Variants in DNER observed in about 807,000 individuals in gnomAD.
DNER encodes delta and Notch-like epidermal growth factor-related receptor.
Under a neutral mutation model 78.2 loss-of-function variants are expected in DNER, and 33 were observed. The observed-to-expected ratio is 0.42, with a 90% CI of 0.32 to 0.56. The LOEUF is 0.56. Ranked by LOEUF, DNER falls within the 20% of genes least tolerant of loss-of-function variation. DNER has a pLI of 0.11. For missense variants in DNER, 918 were observed against 975.3 expected (o/e 0.94, Z 0.78); for synonymous variants, 417 against 384.8 (o/e 1.08, Z -0.98).
intron 7 of DNER, among the ~76,000 whole-genome samples, chr2:229,457,456 C>T (rs2106366463): frequency 6.6e-6 from 1 of 152,006 alleles, no homozygotes. Flanking sequence ...TCTAAGTAGA[C>T]TCTCATAAAT....
intron 1 of DNER, among the ~76,000 whole-genome samples, chr2:229,607,350 A>T (rs1227381618): frequency 6.6e-6 from 1 of 152,170 alleles, no homozygotes; most frequent in Non-Finnish European, 1.5e-5. Context: ...TAATCCATTT[A>T]ATCTTCACTA....
intron 1 of DNER, among the ~76,000 whole-genome samples, chr2:229,686,596 C>T (rs1398392423): frequency 6.6e-6 from 1 of 152,112 alleles, no homozygotes; most frequent in Non-Finnish European, 1.5e-5. Context: ...CCATCTCTGA[C>T]CTATCTAGCA....
intron 5 of DNER, among the ~76,000 whole-genome samples, chr2:229,526,308 C>T (rs1385873496): frequency 6.6e-6 from 1 of 152,226 alleles, no homozygotes; most frequent in African/African-American, 2.4e-5. Flanking sequence ...GCGTGTTCCT[C>T]TCAAAAGTGC....
At chr2:229,663,995 A>G (rs1283183368) in intron 1 of DNER, among the ~76,000 whole-genome samples, 1 of 152,158 alleles carries the variant, frequency 6.6e-6, no homozygotes, top group Non-Finnish European at 1.5e-5. Context: ...GATGAATCTG[A>G]CATTCCAAAA....
chr2:229,473,901 T>C (rs1303083477), intron 7 of DNER, among the ~76,000 whole-genome samples: 2 of 152,094 alleles, frequency 1.3e-5, no homozygotes. Context: ...ACACAGGCTC[T>C]TTTTATTTTT....
intron 6 of DNER, among the ~76,000 whole-genome samples, chr2:229,495,737 C>T (rs1006251222): frequency 3.9e-5 from 6 of 152,214 alleles, no homozygotes; most frequent in East Asian, 1.9e-4. Context: ...TCTCGGCACC[C>T]GCTGGCCCAG....
At chr2:229,398,383 G>C (rs1693195881) in intron 10 of DNER, among the ~76,000 whole-genome samples, 1 of 151,992 alleles carries the variant, frequency 6.6e-6, no homozygotes, top group Non-Finnish European at 1.5e-5. Context: ...GAAATCTCAG[G>C]TCCAAATGCT....
chr2:229,506,011 C>T (rs1031812086), intron 6 of DNER, among the ~76,000 whole-genome samples: 2 of 152,202 alleles, frequency 1.3e-5, no homozygotes, highest in Non-Finnish European at 2.9e-5. Flanking sequence ...ATGACTGTTT[C>T]GTGAATCAAG....
At position 229,702,388 on chromosome 2, in the gene DNER, T is replaced by C. The variant is rs551798700; in HGVS notation, c.276+11760A>G. On this transcript the variant is annotated intron_variant, in intron 1 of 12. Transcript: ENST00000341772. ...TGCCTCTACAAAAATATTTAAAAATTAGCCAAGCGTGGTGGTGCATGCCTA... is the reference window on the plus strand; with the variant it reads ...TGCCTCTACAAAAATATTTAAAAATCAGCCAAGCGTGGTGGTGCATGCCTA... 8.6e-5 allele frequency among the ~76,000 whole-genome samples: 13 copies of C among 152,024 alleles called. No homozygotes were observed. In the East Asian group the frequency reaches 2.5e-3, roughly 30 times the overall value.
chr2:229,654,077 A>G (rs1698869002), intron 1 of DNER, among the ~76,000 whole-genome samples: 2 of 151,898 alleles, frequency 1.3e-5, no homozygotes, highest in Non-Finnish European at 2.9e-5. Flanking sequence ...TTAACTTATC[A>G]TTTACATTAG....
At chr2:229,432,580 A>C (rs1478726207) in intron 8 of DNER, among the ~76,000 whole-genome samples, 1 of 152,196 alleles carries the variant, frequency 6.6e-6, no homozygotes, top group African/African-American at 2.4e-5. Context: ...TTGACCTCTT[A>C]GTTACTAATA....
chr2:229,414,439 G>A (rs138627848), intron 9 of DNER, among the ~76,000 whole-genome samples: 2,219 of 152,046 alleles, frequency 0.015, 36 homozygotes, highest in South Asian at 0.08. Context: ...GCTAATTTTC[G>A]TATTTTTAGT....
chr2:229,649,890 T>C (rs896437221), intron 1 of DNER, among the ~76,000 whole-genome samples: 5 of 151,850 alleles, frequency 3.3e-5, no homozygotes, highest in African/African-American at 1.2e-4. Context: ...CTGGCTAATA[T>C]GGTGAAACCC....
chr2:229,615,411 TAAA>T (rs765871543), intron 1 of DNER, among the ~76,000 whole-genome samples: 5 of 116,548 alleles, frequency 4.3e-5, no homozygotes, highest in Admixed American at 9.1e-5. Context: ...AACTCCGTCT[TAAA>T]AAAAAAAAAA....
chr2:229,471,909 A>G (rs536078659), intron 7 of DNER, among the ~76,000 whole-genome samples: 1 of 152,056 alleles, frequency 6.6e-6, no homozygotes, highest in East Asian at 1.9e-4. Context: ...AAACCACTCC[A>G]CTCTACAGCC....
At chr2:229,536,094 G>C (rs1036367307) in intron 5 of DNER, among the ~76,000 whole-genome samples, 2 of 152,200 alleles carry the variant, frequency 1.3e-5, no homozygotes, top group Non-Finnish European at 2.9e-5. Flanking sequence ...GCAGAGGACC[G>C]AACACCATGG....
chr2:229,653,607 C>T (rs562864693), intron 1 of DNER, among the ~76,000 whole-genome samples: 67 of 152,230 alleles, frequency 4.4e-4, no homozygotes, highest in Non-Finnish European at 1.6e-4. Flanking sequence ...CCTTTCCTGC[C>T]TGAGCAGTTC....
chr2:229,561,517 TTATTTAATATCAAAA>T (rs1317683223), intron 4 of DNER, among the ~76,000 whole-genome samples: 2 of 152,088 alleles, frequency 1.3e-5, no homozygotes, highest in Admixed American at 6.6e-5. Flanking sequence ...ACTCTAAAAT[TTATTTAATATCAAAA>T]TACAGGCTTA....
At chr2:229,645,648 C>A (rs1698705138) in intron 1 of DNER, among the ~76,000 whole-genome samples, 1 of 152,126 alleles carries the variant, frequency 6.6e-6, no homozygotes, top group South Asian at 2.1e-4. Flanking sequence ...AGGAGATGAA[C>A]CAGGAACATG....
Sources: gnomAD v4.1 joint callset for allele counts (sites outside exome capture counted in the v4.1 genomes callset) on GRCh38, gnomAD v4.1.1 for gene constraint, MANE v1.5 for transcripts, NCBI Gene and HGNC (gene_info 2026-07-23, HGNC 2026-07-21) for gene names.